CNTNAP2: variants seen among roughly 807,000 people sequenced by gnomAD.
CNTNAP2 encodes the protein contactin-associated protein-like 2.
A neutral mutation model predicts 155.2 loss-of-function variants in CNTNAP2; 98 were observed. The ratio of observed to expected loss-of-function variants is 0.63; its 90% CI spans 0.54 to 0.75. CNTNAP2 has a LOEUF of 0.75. CNTNAP2 is among the 30% of genes least tolerant of loss of function. CNTNAP2 has a pLI of 0.00. For synonymous variants in CNTNAP2, 651 were observed against 631.2 expected (o/e 1.03, Z -0.47); for missense variants, 1,727 against 1,688.1 (o/e 1.02, Z -0.40).
At chr7:146,425,622 A>G (rs1238388028) in intron 1 of CNTNAP2, among the ~76,000 whole-genome samples, 10 of 152,166 alleles carry the variant, frequency 6.6e-5, no homozygotes, top group Non-Finnish European at 1.0e-4. Context: ...GTATTTTCTT[A>G]TATCTGAAGA....
intron 3 of CNTNAP2, among the ~76,000 whole-genome samples, chr7:147,008,653 T>C (rs944319738): frequency 1.3e-5 from 2 of 152,156 alleles, no homozygotes; most frequent in African/African-American, 4.8e-5. Flanking sequence ...TGTAGGCTTA[T>C]ATAGCATTCT....
At chr7:146,278,795 C>G (rs930268185) in intron 1 of CNTNAP2, among the ~76,000 whole-genome samples, 20 of 152,034 alleles carry the variant, frequency 1.3e-4, no homozygotes, top group Admixed American at 1.0e-3. Context: ...ATTGAAGTAA[C>G]CAATATTTCT....
At chr7:146,845,781 C>T (rs866075128) in intron 3 of CNTNAP2, among the ~76,000 whole-genome samples, 2 of 152,250 alleles carry the variant, frequency 1.3e-5, no homozygotes, top group South Asian at 2.1e-4. Flanking sequence ...TTAGATAGTG[C>T]AGTGCAGGCT....
At chr7:147,363,535 T>A (rs1796178831) in intron 9 of CNTNAP2, among the ~76,000 whole-genome samples, 1 of 152,142 alleles carries the variant, frequency 6.6e-6, no homozygotes, top group African/African-American at 2.4e-5. Context: ...CACATTCTTT[T>A]TTAAAAATGT....
intron 1 of CNTNAP2, among the ~76,000 whole-genome samples, chr7:146,540,005 G>T (rs1481828143): frequency 6.6e-6 from 1 of 152,002 alleles, no homozygotes. Flanking sequence ...GTTTACACAG[G>T]TGCAGCTTCT....
At chr7:147,216,676 C>T (rs745789020) in intron 8 of CNTNAP2, among the ~76,000 whole-genome samples, 7 of 151,786 alleles carry the variant, frequency 4.6e-5, no homozygotes, top group Non-Finnish European at 1.0e-4. Context: ...CTTTTGCATC[C>T]CCATATAAAC....
chr7:146,133,739 T>C (rs913496449), intron 1 of CNTNAP2, among the ~76,000 whole-genome samples: 1 of 152,208 alleles, frequency 6.6e-6, no homozygotes, highest in Non-Finnish European at 1.5e-5. Context: ...TGTGGCGTTA[T>C]TTCTGCAGGC....
intron 4 of CNTNAP2, among the ~76,000 whole-genome samples, chr7:147,066,990 T>G (rs1799791615): frequency 6.6e-6 from 1 of 152,110 alleles, no homozygotes; most frequent in African/African-American, 2.4e-5. Context: ...AGCTGTCTGG[T>G]CACTTCTTAA....
chr7:147,042,257 G>C (rs577282630), intron 3 of CNTNAP2, among the ~76,000 whole-genome samples: 2 of 152,146 alleles, frequency 1.3e-5, no homozygotes, highest in Non-Finnish European at 2.9e-5. Context: ...CGTCACAGAA[G>C]AACATCCCAA....
intron 1 of CNTNAP2, among the ~76,000 whole-genome samples, chr7:146,326,874 G>A (rs1286844274): frequency 6.6e-6 from 1 of 152,130 alleles, no homozygotes; most frequent in Non-Finnish European, 1.5e-5. Flanking sequence ...CTTATGGAAG[G>A]AAATTCACAT....
chr7:147,562,247 C>T lies in CNTNAP2; in HGVS notation c.1887C>T (p.Cys629=), dbSNP rs1800078118. The T allele has an allele frequency of 6.2e-7, 1 of 1,613,780 alleles. No homozygotes were observed. Among genetic ancestry groups the T allele is most frequent in the Admixed American group, 1.7e-5 (1 of 60,000 alleles). The change falls in exon 12 of 24, where the codon TGC becomes TGT. Residue 629 remains cysteine, a synonymous_variant. Transcript: ENST00000361727. ...SGPLGPLKVY[C]NMTEDKVWTI... is the part of the protein sequence containing the mutation. ...CTCTGGGGCCTCTGAAAGTTTACTG[C>T]AACATGACAGGTAACTGTGTCATAT...
At chr7:147,921,358 G>T (rs1800277957) in intron 14 of CNTNAP2, among the ~76,000 whole-genome samples, 1 of 152,084 alleles carries the variant, frequency 6.6e-6, no homozygotes, top group African/African-American at 2.4e-5. Flanking sequence ...TAACAATGGG[G>T]TTTTATAGCT....
intron 10 of CNTNAP2, among the ~76,000 whole-genome samples, chr7:147,404,021 C>T (rs772188172): frequency 3.9e-5 from 6 of 152,098 alleles, no homozygotes; most frequent in African/African-American, 1.2e-4. Context: ...TGGCGTCAAA[C>T]TGTGCAGGCA....
At chr7:147,951,892 A>G (rs981500195) in intron 14 of CNTNAP2, among the ~76,000 whole-genome samples, 13 of 151,964 alleles carry the variant, frequency 8.6e-5, no homozygotes, top group African/African-American at 3.1e-4. Flanking sequence ...GCTATATAAC[A>G]AACCTGCACA....
intron 3 of CNTNAP2, among the ~76,000 whole-genome samples, chr7:146,889,309 T>C (rs1433256297): frequency 6.6e-6 from 1 of 152,176 alleles, no homozygotes; most frequent in African/African-American, 2.4e-5. Context: ...GTAAATCTTC[T>C]TTGATACAGA....
chr7:147,207,609 A>G (rs963021509), intron 8 of CNTNAP2, among the ~76,000 whole-genome samples: 1 of 152,168 alleles, frequency 6.6e-6, no homozygotes, highest in African/African-American at 2.4e-5. Flanking sequence ...ATGGAAAGAA[A>G]ATGAAGTTCT....
chr7:147,534,495 C>T (rs757089799), intron 11 of CNTNAP2, among the ~76,000 whole-genome samples: 13 of 152,102 alleles, frequency 8.5e-5, no homozygotes, highest in Non-Finnish European at 7.3e-5. Flanking sequence ...ATAGGGCAAT[C>T]ATATGATTCT....
At chr7:147,147,215 C>T (rs1274732225) in intron 8 of CNTNAP2, among the ~76,000 whole-genome samples, 1 of 152,082 alleles carries the variant, frequency 6.6e-6, no homozygotes, top group Non-Finnish European at 1.5e-5. Flanking sequence ...AGAATTCACT[C>T]ACTATCACCA....
intron 10 of CNTNAP2, among the ~76,000 whole-genome samples, chr7:147,425,793 T>C (rs1273208734): frequency 2.0e-5 from 3 of 152,286 alleles, no homozygotes; most frequent in African/African-American, 4.8e-5. Context: ...TATTTTCCTA[T>C]TGATTTGATC....
Sources: allele counts gnomAD v4.1 joint callset (sites outside exome capture counted in the v4.1 genomes callset), GRCh38; gene constraint gnomAD v4.1.1; transcripts MANE v1.5; gene names NCBI Gene and HGNC (gene_info 2026-07-23, HGNC 2026-07-21).